Variants in IL1RAPL1 observed in about 807,000 individuals in gnomAD.
IL1RAPL1 encodes interleukin 1 receptor accessory protein like 1, also known as interleukin-1 receptor accessory protein-like 1.
A neutral mutation model predicts 48.4 loss-of-function variants in IL1RAPL1; 3 were observed. The ratio of observed to expected loss-of-function variants is 0.06; its 90% CI spans 0.03 to 0.16. The LOEUF is 0.16. IL1RAPL1 is among the 10% of genes least tolerant of loss of function. The probability of loss-of-function intolerance (pLI) is 1.00; values close to 1 mark genes in which losing one functional copy is unlikely to be tolerated. For missense variants in IL1RAPL1, 349 were observed against 530.6 expected, an observed-to-expected ratio of 0.66 and a Z score of 3.36; for synonymous variants, 185 against 187.7, an observed-to-expected ratio of 0.99 and a Z score of 0.12.
chrX:28,836,521 A>C lies in IL1RAPL1; in HGVS notation c.82+47096A>C, dbSNP rs192403445. On this transcript the variant is annotated intron_variant, in intron 2 of 10. Coordinates refer to ENST00000378993, the MANE Select transcript of IL1RAPL1 (RefSeq NM_014271.4). The stretch of plus-strand genomic sequence containing the variant: ...GAAATTAAGGGGCCAAGGGAAAACA[A>C]GACCATTTGTCTAAATTCATTTAGA... Among the ~76,000 whole-genome samples the C allele has an allele frequency of 3.7e-5, 4 of 109,119 alleles. No homozygotes were observed. In the Admixed American group the frequency reaches 3.9e-4, roughly 11 times the overall value. 94.8% of individuals were successfully genotyped at this position (109,119 alleles called of 115,157 possible).
intron 6 of IL1RAPL1, among the ~76,000 whole-genome samples, chrX:29,812,012 T>G (rs1220745090): frequency 8.9e-6 from 1 of 111,813 alleles, no homozygotes; most frequent in Non-Finnish European, 1.9e-5. Flanking sequence ...AATGACAATA[T>G]TGATAAGAAA....
At chrX:28,887,674 T>C (rs948438688) in intron 2 of IL1RAPL1, among the ~76,000 whole-genome samples, 7 of 112,041 alleles carry the variant, frequency 6.2e-5, no homozygotes, top group Non-Finnish European at 1.3e-4. Flanking sequence ...TTTTTAACTC[T>C]GCATAAATAG....
intron 2 of IL1RAPL1, among the ~76,000 whole-genome samples, chrX:29,016,040 T>A (rs1349703367): frequency 9.0e-6 from 1 of 111,436 alleles, no homozygotes; most frequent in Non-Finnish European, 1.9e-5. Context: ...ACACAGTAGA[T>A]TGTGATAAGT....
intron 1 of IL1RAPL1, among the ~76,000 whole-genome samples, chrX:28,660,612 A>G (rs944216930): frequency 5.4e-5 from 6 of 112,110 alleles, no homozygotes; most frequent in Admixed American, 1.9e-4. Flanking sequence ...TTAGAAATAC[A>G]GGAAATTTTA....
chrX:29,255,418 G>A (rs1284203430), intron 2 of IL1RAPL1, among the ~76,000 whole-genome samples: 3 of 109,384 alleles, frequency 2.7e-5, no homozygotes, highest in Non-Finnish European at 5.7e-5. Context: ...CCTATAAAAT[G>A]TCTCAAATAA....
chrX:29,383,783 A>T (rs1391667039), intron 3 of IL1RAPL1, among the ~76,000 whole-genome samples: 1 of 111,961 alleles, frequency 8.9e-6, no homozygotes, highest in African/African-American at 3.2e-5. Flanking sequence ...CAACTGTGAA[A>T]TGTGTCCAAA....
chrX:29,754,266 A>T, intron 6 of IL1RAPL1, among the ~76,000 whole-genome samples: 2 of 111,839 alleles, frequency 1.8e-5, no homozygotes, highest in Admixed American at 1.9e-4. Flanking sequence ...ATTATCTGTC[A>T]TTCAAAACTG....
chrX:29,000,990 T>TGTCATA (rs1925839040), intron 2 of IL1RAPL1, among the ~76,000 whole-genome samples: 1 of 109,925 alleles, frequency 9.1e-6, no homozygotes, highest in Non-Finnish European at 1.9e-5. Flanking sequence ...GTCTTTGACT[T>TGTCATA]GTCATAGTTT....
chrX:29,733,855 A>G (rs1443064114), intron 6 of IL1RAPL1, among the ~76,000 whole-genome samples: 1 of 112,942 alleles, frequency 8.9e-6, no homozygotes, highest in Non-Finnish European at 1.9e-5. Context: ...ACATTGATAC[A>G]TAACAGGGAT....
At chrX:29,240,939 AC>A (rs1383294510) in intron 2 of IL1RAPL1, among the ~76,000 whole-genome samples, 1 of 112,476 alleles carries the variant, frequency 8.9e-6, no homozygotes, top group African/African-American at 3.2e-5. Flanking sequence ...TGTTTCCTTG[AC>A]AAGTGAAGAA....
At chrX:29,230,245 A>C (rs1931164733) in intron 2 of IL1RAPL1, among the ~76,000 whole-genome samples, 1 of 110,750 alleles carries the variant, frequency 9.0e-6, no homozygotes, top group Admixed American at 9.7e-5. Context: ...CCAGCTGTTA[A>C]AAACAAGAAA....
At chrX:29,310,609 T>G (rs1480484917) in intron 3 of IL1RAPL1, among the ~76,000 whole-genome samples, 1 of 107,474 alleles carries the variant, frequency 9.3e-6, no homozygotes, top group East Asian at 2.8e-4. Flanking sequence ...AGGTGCTCAA[T>G]TGAGAAATCA....
intron 6 of IL1RAPL1, among the ~76,000 whole-genome samples, chrX:29,809,549 T>C (rs2147176950): frequency 8.9e-6 from 1 of 111,741 alleles, no homozygotes; most frequent in African/African-American, 3.2e-5. Context: ...TTTATTCCTG[T>C]TTCTCTGTAT....
chrX:28,636,025 A>G (rs996400789), intron 1 of IL1RAPL1, among the ~76,000 whole-genome samples: 4 of 111,490 alleles, frequency 3.6e-5, no homozygotes, highest in Admixed American at 2.9e-4. Context: ...TTGTATATTT[A>G]TCTAGTCTAT....
At chrX:29,477,118 C>G (rs770107064) in intron 5 of IL1RAPL1, among the ~76,000 whole-genome samples, 14 of 110,276 alleles carry the variant, frequency 1.3e-4, no homozygotes, top group Non-Finnish European at 2.3e-4. Flanking sequence ...ATATTCTTAA[C>G]TAATACAAAA....
At chrX:28,763,440 A>G (rs1936199169) in intron 1 of IL1RAPL1, among the ~76,000 whole-genome samples, 1 of 112,134 alleles carries the variant, frequency 8.9e-6, no homozygotes, top group East Asian at 2.8e-4. Context: ...AATTGAAATT[A>G]TTTTATGCAA....
chrX:28,921,745 G>A (rs187655479), intron 2 of IL1RAPL1, among the ~76,000 whole-genome samples: 1 of 112,229 alleles, frequency 8.9e-6, no homozygotes, highest in African/African-American at 3.2e-5. Flanking sequence ...AATTCTTTCC[G>A]TTTAATACTT....
chrX:28,777,077 G>A (rs998238755), intron 1 of IL1RAPL1, among the ~76,000 whole-genome samples: 1 of 111,948 alleles, frequency 8.9e-6, no homozygotes, highest in Admixed American at 9.5e-5. Context: ...TAGGTCGAAA[G>A]TATAAAATGA....
At chrX:29,860,314 T>G (rs1931551561) in intron 6 of IL1RAPL1, among the ~76,000 whole-genome samples, 1 of 112,266 alleles carries the variant, frequency 8.9e-6, no homozygotes, top group South Asian at 3.7e-4. Context: ...ATGCGGCTTG[T>G]AAAAGCCAGT....
Sources: gnomAD v4.1 joint callset for allele counts (sites outside exome capture counted in the v4.1 genomes callset) on GRCh38, gnomAD v4.1.1 for gene constraint, MANE v1.5 for transcripts, NCBI Gene and HGNC (gene_info 2026-07-23, HGNC 2026-07-21) for gene names.